NEDD9: variants seen among roughly 807,000 people sequenced by gnomAD.
The protein encoded by NEDD9 is enhancer of filamentation 1.
Under a neutral mutation model 76.6 loss-of-function variants are expected in NEDD9, and 26 were observed. The ratio of observed to expected loss-of-function variants is 0.34; its 90% CI spans 0.25 to 0.47. The LOEUF (loss-of-function observed/expected upper bound fraction) is 0.47, where lower values mean the gene tolerates loss of function less well. Ranked by LOEUF, NEDD9 falls within the 20% of genes least tolerant of loss-of-function variation. The pLI is 1.00. For synonymous variants in NEDD9, 392 were observed against 414.2 expected, an observed-to-expected ratio of 0.95 and a Z score of 0.65; for missense variants, 937 against 1,058.5, an observed-to-expected ratio of 0.89 and a Z score of 1.59.
intron 3 of NEDD9, among the ~76,000 whole-genome samples, chr6:11,291,572 C>T (rs1760772915): frequency 6.6e-6 from 1 of 152,132 alleles, no homozygotes; most frequent in African/African-American, 2.4e-5. Flanking sequence ...CCGCGCCCGG[C>T]CAGAATGAGA....
At chr6:11,216,984 A>G (rs1758972353) in intron 1 of NEDD9, among the ~76,000 whole-genome samples, 1 of 152,246 alleles carries the variant, frequency 6.6e-6, no homozygotes, top group Admixed American at 6.5e-5. Context: ...AGCAATAGTG[A>G]AACCATTGGT....
chr6:11,218,685 A>G (rs150829766), intron 1 of NEDD9, among the ~76,000 whole-genome samples: 2 of 152,236 alleles, frequency 1.3e-5, no homozygotes, highest in Non-Finnish European at 2.9e-5. Context: ...GGAGGGTGAA[A>G]TTGTTGTACT....
At chr6:11,356,815 T>G (rs916648071) in intron 1 of NEDD9, among the ~76,000 whole-genome samples, 21 of 147,778 alleles carry the variant, frequency 1.4e-4, no homozygotes, top group African/African-American at 5.0e-4. Context: ...ATGGCCTGAA[T>G]GACGTGACCT....
At chr6:11,376,285 C>A (rs926507038) in intron 1 of NEDD9, among the ~76,000 whole-genome samples, 24 of 152,092 alleles carry the variant, frequency 1.6e-4, no homozygotes, top group Admixed American at 1.4e-3. Context: ...AAGGGAGAGG[C>A]TGGAAGAGTT....
At chr6:11,320,893 A>T (rs1761780706) in intron 2 of NEDD9, among the ~76,000 whole-genome samples, 1 of 151,962 alleles carries the variant, frequency 6.6e-6, no homozygotes, top group Non-Finnish European at 1.5e-5. Context: ...AATCAGTACC[A>T]ATGGTTTACT....
intron 3 of NEDD9, among the ~76,000 whole-genome samples, chr6:11,246,071 G>T (rs1167861033): frequency 6.6e-6 from 1 of 152,102 alleles, no homozygotes; most frequent in Non-Finnish European, 1.5e-5. Flanking sequence ...GAGCGGGCAG[G>T]GATGGGGATG....
chr6:11,213,796 G>T lies in NEDD9; in HGVS notation c.13-69C>A. Reference sequence around the variant, plus strand: ...TCGGTCCCTTTATCACCTAAGGCCCGTGCTCTTATGGAAAGGCACACTTCC... The same window carrying T: ...TCGGTCCCTTTATCACCTAAGGCCCTTGCTCTTATGGAAAGGCACACTTCC... On this transcript the variant is annotated intron_variant, in intron 1 of 6. Transcript: ENST00000379446. This position sits in a 1 kb window ranked among gnomAD's most constrained non-coding sequence, Gnocchi z 5.4. 3 of 1,398,550 alleles carry T rather than the reference G, an allele frequency of 2.1e-6. No individual in the cohort carries two copies. Among genetic ancestry groups the T allele is most frequent in the East Asian group, 2.3e-5 (1 of 43,572 alleles). 86.6% of individuals were successfully genotyped at this position (1,398,550 alleles called of 1,614,324 possible).
chr6:11,186,225 G>A (rs953376707), intron 6 of NEDD9, among the ~76,000 whole-genome samples: 1 of 152,004 alleles, frequency 6.6e-6, no homozygotes, highest in Admixed American at 6.6e-5. Context: ...TTATGATCCA[G>A]CACTACAGGA....
chr6:11,311,620 A>G (rs983284901), intron 2 of NEDD9, among the ~76,000 whole-genome samples: 3 of 152,184 alleles, frequency 2.0e-5, no homozygotes, highest in African/African-American at 4.8e-5. Flanking sequence ...CACTTACCTC[A>G]TGAGATGTTT....
chr6:11,208,591 C>A (rs1325831326), intron 2 of NEDD9, among the ~76,000 whole-genome samples: 1 of 152,218 alleles, frequency 6.6e-6, no homozygotes, highest in Non-Finnish European at 1.5e-5. Flanking sequence ...TATCTGTGGG[C>A]TGATGCTCTA....
rs1022745637 is a variant in NEDD9 at position 11,213,130 on chromosome 6, A to C, written c.459+151T>G. The C allele has an allele frequency of 2.6e-6, 2 of 756,074 alleles. No individual in the cohort carries two copies. The highest frequency in any genetic ancestry group is 3.5e-5 in the African/African-American group (2 of 56,778). The allele number at this position is 756,074 out of a possible 1,614,324, so 46.8% of individuals were successfully genotyped here. ...TGCTGAATGATGGATGAATGGCAAA[A>C]TCATGCAAACATGATGCCTGAGCTA... On this transcript the variant is annotated intron_variant, in intron 2 of 6. Coordinates refer to ENST00000379446, the MANE Select transcript of NEDD9 (RefSeq NM_006403.4). This position sits in a 1 kb window ranked among gnomAD's most constrained non-coding sequence, Gnocchi z 5.4.
intron 1 of NEDD9, among the ~76,000 whole-genome samples, chr6:11,357,544 A>G (rs566648845): frequency 6.6e-6 from 1 of 152,384 alleles, no homozygotes; most frequent in Admixed American, 6.5e-5. Flanking sequence ...CTGCAGGAAC[A>G]TTCAGAGGGT....
At position 11,190,774 on chromosome 6, in the gene NEDD9, G is replaced by T; in HGVS notation, c.1095C>A (p.Ile365=). 1 of 1,614,194 alleles carries T rather than the reference G, an allele frequency of 6.2e-7. No individual in the cohort carries two copies. Among genetic ancestry groups the T allele is most frequent in the African/African-American group, 1.3e-5 (1 of 75,048 alleles). ...CTGTACTGGAGAAAGACAATCGGTT[G>T]ATCCCATCCACCAAGTCCCGAGAGC... is the stretch of plus-strand genomic sequence containing the variant. ...AKGSRDLVDG[I]NRLSFSSTGS... is the part of the protein sequence containing the mutation. The change falls in exon 5 of 7, where the codon ATC becomes ATA. Residue 365 remains isoleucine, a synonymous_variant. Coordinates refer to ENST00000379446, the MANE Select transcript of NEDD9 (RefSeq NM_006403.4). This position sits in a 1 kb window ranked among gnomAD's most constrained non-coding sequence, Gnocchi z 5.8.
intron 1 of NEDD9, among the ~76,000 whole-genome samples, chr6:11,367,487 A>G (rs6901538): frequency 0.26 from 40,283 of 152,100 alleles, 6,559 homozygotes; most frequent in African/African-American, 0.47. Context: ...CAGTCTCCCA[A>G]TGCAGTTTAC....
At position 11,190,926 on chromosome 6, in the gene NEDD9, CGTTCTGA is replaced by C; in HGVS notation, c.936_942del (p.Gln313ThrfsTer113). The C allele has an allele frequency of 6.2e-7, 1 of 1,614,010 alleles. No individual in the cohort carries two copies. The highest frequency in any genetic ancestry group is 8.5e-7 in the Non-Finnish European group (1 of 1,180,010). On this transcript the variant is annotated frameshift_variant, in exon 5 of 7. Transcript: ENST00000379446. LOFTEE classifies it high-confidence loss of function. The surrounding 1 kb of genome is among the most constrained non-coding windows in gnomAD (Gnocchi z 5.8). ...ACGCCTCGGGGGACATCATATGCGT[CGTTCTGA>C]GAGCCCACTGACTGTCCGAGTTGCG...
At chr6:11,270,774 G>A (rs1031953463) in intron 3 of NEDD9, among the ~76,000 whole-genome samples, 1 of 152,156 alleles carries the variant, frequency 6.6e-6, no homozygotes, top group African/African-American at 2.4e-5. Flanking sequence ...GTTCAGTCTA[G>A]CAGGACAGAC....
At position 11,232,638 on chromosome 6, in the gene NEDD9, T is replaced by C. The variant is rs1759519189; in HGVS notation, c.-123A>G. On this transcript the variant is annotated 5_prime_UTR_variant, in exon 1 of 7. Coordinates refer to ENST00000379446, the MANE Select transcript of NEDD9 (RefSeq NM_006403.4). ...GCGAGAAGGTCCCGGGCAGAGCCGCTTGTCAGTCGCAGCGCCTCCCTCAAG... is the reference window on the plus strand; with the variant it reads ...GCGAGAAGGTCCCGGGCAGAGCCGCCTGTCAGTCGCAGCGCCTCCCTCAAG... 6.3e-7 allele frequency: 1 copy of C among 1,575,848 alleles called. No individual in the cohort carries two copies. Among genetic ancestry groups the C allele is most frequent in the Non-Finnish European group, 8.6e-7 (1 of 1,162,944 alleles).
At position 11,190,985 on chromosome 6, in the gene NEDD9, T is replaced by C. The variant is rs781088213; in HGVS notation, c.884A>G (p.Gln295Arg). 30 of 1,613,932 alleles carry C rather than the reference T, an allele frequency of 1.9e-5. No individual in the cohort carries two copies. Among genetic ancestry groups the C allele is most frequent in the Non-Finnish European group, 2.5e-5 (30 of 1,180,018 alleles). ...GAAEPVARRH[Q>R]SLSPNHPPPQ... ...GGGTGGGTGATTCGGGGACAGGCTCTGGTGCCTTCGAGCCACCGGTTCTGC... is the reference window on the plus strand; with the variant it reads ...GGGTGGGTGATTCGGGGACAGGCTCCGGTGCCTTCGAGCCACCGGTTCTGC... The change falls in exon 5 of 7, where the codon CAG becomes CGG. Residue 295 changes from glutamine to arginine, a missense_variant. Gln to Arg is a conservative substitution (Grantham distance 43). Coordinates refer to ENST00000379446, the MANE Select transcript of NEDD9 (RefSeq NM_006403.4). This position sits in a 1 kb window ranked among gnomAD's most constrained non-coding sequence, Gnocchi z 5.8.
chr6:11,187,048 C>T (rs1480040644), intron 6 of NEDD9, among the ~76,000 whole-genome samples: 1 of 152,180 alleles, frequency 6.6e-6, no homozygotes, highest in African/African-American at 2.4e-5. Flanking sequence ...GGTGATATTC[C>T]AAGGTATTTA....
Sources: gnomAD v4.1 joint callset for allele counts (sites outside exome capture counted in the v4.1 genomes callset) on GRCh38, gnomAD v4.1.1 for gene constraint, Gnocchi (gnomAD v3.1) non-coding constraint, MANE v1.5 for transcripts, NCBI Gene and HGNC (gene_info 2026-07-23, HGNC 2026-07-21) for gene names.